The following SLC13A3 variants were observed in gnomAD, a reference collection of about 807,000 sequenced individuals.
SLC13A3 encodes the protein solute carrier family 13 member 3, also known as Na(+)/dicarboxylate cotransporter 3.
SLC13A3 carries 40 observed loss-of-function variants against 59.0 expected under a neutral mutation model. That is an observed-to-expected ratio of 0.68 (90% CI 0.53 to 0.88). The LOEUF is 0.88. Among genes scored for constraint, SLC13A3 ranks in the 40% least tolerant of loss-of-function variants. The pLI is 0.00. For synonymous variants in SLC13A3, 317 were observed against 330.3 expected, an observed-to-expected ratio of 0.96 and a Z score of 0.44; for missense variants, 699 against 783.2, an observed-to-expected ratio of 0.89 and a Z score of 1.28.
chr20:46,600,183 A>G, intron 3 of SLC13A3, 146 bp from the exon 4 acceptor site: 1 of 181,660 alleles, frequency 5.5e-6, no homozygotes, highest in Non-Finnish European at 1.1e-5. Flanking sequence ...AGAGAGAGAG[A>G]GGAAGAGAGG....
At chr20:46,608,778 A>G (rs568600183) in intron 3 of SLC13A3, 5 of 1,337,040 alleles carry the variant, frequency 3.7e-6, no homozygotes, top group South Asian at 1.8e-5. Context: ...CACAAAACCT[A>G]TGGTTTCATG....
intron 1 of SLC13A3, among the ~76,000 whole-genome samples, chr20:46,668,148 T>G (rs1970775926): frequency 6.6e-6 from 1 of 152,150 alleles, no homozygotes; most frequent in Admixed American, 6.5e-5. Flanking sequence ...AGTATTCAAG[T>G]GAAAGAAAGA....
chr20:46,665,747 G>A (rs1383512238), intron 1 of SLC13A3, among the ~76,000 whole-genome samples: 1 of 152,022 alleles, frequency 6.6e-6, no homozygotes, highest in African/African-American at 2.4e-5. Flanking sequence ...TTTCTCTTAG[G>A]TACATACCTA....
intron 6 of SLC13A3, among the ~76,000 whole-genome samples, chr20:46,591,718 C>A (rs189200645): frequency 6.6e-6 from 1 of 152,186 alleles, no homozygotes; most frequent in Admixed American, 6.5e-5. Context: ...CTCATGCCAC[C>A]CCAAATTATC....
At chr20:46,642,328 A>G (rs2062853007) in intron 1 of SLC13A3, among the ~76,000 whole-genome samples, 1 of 151,986 alleles carries the variant, frequency 6.6e-6, no homozygotes, top group Non-Finnish European at 1.5e-5. Flanking sequence ...TTTAAATTCT[A>G]CTCACCAGCT....
At position 46,659,715 on chromosome 20, in the gene SLC13A3, C is replaced by T. The variant is rs569411618; in HGVS notation, c.-31+10328G>A. On this transcript the variant is annotated intron_variant, in intron 1 of 12. Transcript: ENST00000290317. ...TGGGTGACAGAGTGAGACCCTATCC[C>T]CCCCCCCCAAAAAAAAAAAGAAAAA... is the stretch of plus-strand genomic sequence containing the variant. Among the ~76,000 whole-genome samples the T allele has an allele frequency of 6.2e-5, 9 of 145,094 alleles. No homozygotes were observed. In the South Asian group the frequency reaches 6.5e-4, roughly 10 times the overall value.
At chr20:46,674,604 C>CGCGCGTGTGT (rs370861850), upstream of SLC13A3, among the ~76,000 whole-genome samples, 30 of 127,956 alleles carry the variant, frequency 2.3e-4, no homozygotes, top group East Asian at 7.1e-4. Context: ...CGCGCGCGCG[C>CGCGCGTGTGT]GTGTGTGTGT....
At chr20:46,630,375 C>A (rs1168943736) in intron 1 of SLC13A3, among the ~76,000 whole-genome samples, 1 of 152,240 alleles carries the variant, frequency 6.6e-6, no homozygotes, top group African/African-American at 2.4e-5. Context: ...GGAACTCTCC[C>A]TTCTCTGACA....
At chr20:46,653,928 G>T (rs2122894541), upstream of SLC13A3, among the ~76,000 whole-genome samples, 1 of 152,244 alleles carries the variant, frequency 6.6e-6, no homozygotes, top group Middle Eastern at 3.4e-3. Context: ...ATCTGTCTGA[G>T]TCCCTGCTTT....
At chr20:46,584,352 G>A (rs957701553) in intron 8 of SLC13A3, 17 of 985,276 alleles carry the variant, frequency 1.7e-5, no homozygotes, top group Non-Finnish European at 1.8e-5. Context: ...TATTTTTAAA[G>A]TTTTTATTTG....
intron 10 of SLC13A3, among the ~76,000 whole-genome samples, chr20:46,571,589 T>C (rs2062028595): frequency 6.6e-6 from 1 of 152,208 alleles, no homozygotes; most frequent in Admixed American, 6.5e-5. Context: ...ACCCGGTGTC[T>C]TCTAGGTGCC....
intron 1 of SLC13A3, among the ~76,000 whole-genome samples, chr20:46,649,099 T>C (rs1054243079): frequency 1.3e-5 from 2 of 152,134 alleles, no homozygotes; most frequent in Non-Finnish European, 2.9e-5. Flanking sequence ...TCTCTGGTTG[T>C]TGTGGGCATT....
At chr20:46,675,528 G>A (rs1272968779) in intron 1 of SLC13A3, among the ~76,000 whole-genome samples, 4 of 148,486 alleles carry the variant, frequency 2.7e-5, no homozygotes, top group Admixed American at 2.0e-4. Context: ...TTACAGGCAC[G>A]AGCAACCATG....
chr20:46,662,277 G>A (rs1400800319), intron 1 of SLC13A3, among the ~76,000 whole-genome samples: 2 of 152,174 alleles, frequency 1.3e-5, no homozygotes, highest in African/African-American at 4.8e-5. Flanking sequence ...TGGTGTTAGA[G>A]TGGGAGCAAC....
chr20:46,623,197 T>G (rs1370928116), intron 1 of SLC13A3, among the ~76,000 whole-genome samples: 1 of 152,218 alleles, frequency 6.6e-6, no homozygotes, highest in Non-Finnish European at 1.5e-5. Flanking sequence ...AACAGTGACA[T>G]GCAGTCACCT....
intron 5 of SLC13A3, among the ~76,000 whole-genome samples, chr20:46,594,389 G>A (rs532774683): frequency 6.6e-6 from 1 of 152,132 alleles, no homozygotes; most frequent in African/African-American, 2.4e-5. Flanking sequence ...CAGGCAGCCT[G>A]TAAACGCTTT....
chr20:46,571,161 C>A (rs2062025571), intron 10 of SLC13A3, among the ~76,000 whole-genome samples: 1 of 152,124 alleles, frequency 6.6e-6, no homozygotes, highest in African/African-American at 2.4e-5. Context: ...ATAAGGGTAA[C>A]CGCCCCCACG....
In SLC13A3 at chr20:46,610,517, G is replaced by T. The variant is rs758385834; in HGVS notation, c.470C>A (p.Ala157Asp). The T allele has an allele frequency of 6.2e-7, 1 of 1,614,104 alleles. No individual in the cohort carries two copies. Among genetic ancestry groups the T allele is most frequent in the Non-Finnish European group, 8.5e-7 (1 of 1,180,014 alleles). ...CTGGCCAAAGAGACTTTTCAGGATG[G>T]CATTGGCAATGGGAAGCATCATGGC... ...STAMMLPIAN[A>D]ILKSLFGQKE... The change falls in exon 3 of 13, where the codon GCC (alanine) becomes GAC (aspartate). Residue 157 changes from alanine (A) to aspartate (D), a missense_variant. By Grantham distance (126) the Ala-to-Asp change is moderately radical (BLOSUM62 -2). Transcript: ENST00000279027.
chr20:46,562,212 C>T (rs1289005881), intron 12 of SLC13A3, among the ~76,000 whole-genome samples: 5 of 152,198 alleles, frequency 3.3e-5, no homozygotes, highest in African/African-American at 7.2e-5. Context: ...CCCTGCTTAC[C>T]GAGGGTCCCC....
Sources: allele counts gnomAD v4.1 joint callset (sites outside exome capture counted in the v4.1 genomes callset), GRCh38; gene constraint gnomAD v4.1.1; transcripts MANE v1.5; gene names NCBI Gene and HGNC (gene_info 2026-07-23, HGNC 2026-07-21).